The following AKNAD1 variants were observed in gnomAD, a reference collection of about 807,000 sequenced individuals.
AKNAD1 encodes the protein AKNA domain containing 1, also known as protein AKNAD1.
AKNAD1 carries 67 observed loss-of-function variants against 90.8 expected under a neutral mutation model. The ratio of observed to expected loss-of-function variants is 0.74; its 90% CI spans 0.61 to 0.90. The LOEUF (loss-of-function observed/expected upper bound fraction) is 0.90, where lower values mean the gene tolerates loss of function less well. Ranked by LOEUF, AKNAD1 falls within the 40% of genes least tolerant of loss-of-function variation. The pLI, the probability that AKNAD1 is intolerant of heterozygous loss-of-function variation, is 0.00. For missense variants in AKNAD1, 957 were observed against 975.4 expected (o/e 0.98, Z 0.25); for synonymous variants, 327 against 341.4 (o/e 0.96, Z 0.46).
At chr1:108,838,128 A>G (rs571586061) in intron 6 of AKNAD1, among the ~76,000 whole-genome samples, 1 of 152,344 alleles carries the variant, frequency 6.6e-6, no homozygotes, top group East Asian at 1.9e-4. Context: ...TCTAATCCAT[A>G]TGAATATATG....
intron 5 of AKNAD1, among the ~76,000 whole-genome samples, chr1:108,846,776 C>A (rs1664713187): frequency 6.6e-6 from 1 of 152,074 alleles, no homozygotes; most frequent in South Asian, 2.1e-4. Flanking sequence ...AGGCCAGATC[C>A]ACTGGTCTAA....
intron 7 of AKNAD1, among the ~76,000 whole-genome samples, chr1:108,835,538 C>T (rs1447505062): frequency 1.3e-5 from 2 of 152,124 alleles, no homozygotes; most frequent in African/African-American, 4.8e-5. Context: ...AGTATGTGAA[C>T]CCAGGTAGTC....
intron 5 of AKNAD1, among the ~76,000 whole-genome samples, chr1:108,847,425 G>A (rs1664732341): frequency 6.7e-6 from 1 of 149,826 alleles, no homozygotes; most frequent in Non-Finnish European, 1.5e-5. Flanking sequence ...TCTAGCATGA[G>A]TGACAGAATG....
At chr1:108,843,344 G>A (rs535878288) in intron 5 of AKNAD1, 77 bp from the exon 6 acceptor site, 13 of 1,565,316 alleles carry the variant, frequency 8.3e-6, no homozygotes, top group Middle Eastern at 2.3e-4. Context: ...CACAAAGCAG[G>A]TGTACCCTAC....
Position 108,817,193 on chromosome 1 carries a change from A to G in AKNAD1, c.2250-16T>C. The stretch of plus-strand genomic sequence containing the variant: ...AAGTTTTTTTCTGGAAGACAAAAGC[A>G]CATTGATACTTGTGTCAAGCGCCAC... On this transcript the variant is annotated splice_polypyrimidine_tract_variant and intron_variant, in intron 14 of 15. Transcript: ENST00000370001. The G allele has an allele frequency of 6.2e-7, 1 of 1,613,760 alleles. No homozygotes were observed.
intron 14 of AKNAD1, among the ~76,000 whole-genome samples, chr1:108,818,729 G>A (rs528979980): frequency 1.3e-5 from 2 of 152,162 alleles, no homozygotes; most frequent in East Asian, 3.9e-4. Context: ...TTGGGAGGCC[G>A]AGGTGGGTGA....
intron 5 of AKNAD1, among the ~76,000 whole-genome samples, chr1:108,844,462 A>G (rs7512206): frequency 0.18 from 26,829 of 152,008 alleles, 2,630 homozygotes; most frequent in Admixed American, 0.23. Context: ...AGATAGAGAG[A>G]GAGAGACCTT....
Position 108,851,868 on chromosome 1 carries a change from G to C in AKNAD1, c.797C>G (p.Pro266Arg). ...CTTATTTTTAGGAATTTTCACTTTGGGAGCAATCTTAGAGAAATCAGGGAG... is the reference window on the plus strand; with the variant it reads ...CTTATTTTTAGGAATTTTCACTTTGCGAGCAATCTTAGAGAAATCAGGGAG... ...YQLPDFSKIA[P>R]KVKIPKNKII... is the part of the protein sequence containing the mutation. Residue 266 changes from proline (P) to arginine (R), a missense_variant, in exon 2 of 16, where the codon CCC becomes CGC. Transcript: ENST00000370001. 1 of 1,613,616 alleles carries C rather than the reference G, an allele frequency of 6.2e-7. No individual in the cohort carries two copies. Among genetic ancestry groups the C allele is most frequent in the East Asian group, 2.2e-5 (1 of 44,880 alleles).
In AKNAD1 at chr1:108,817,109, C is replaced by T. The variant is rs768664263; in HGVS notation, c.2318G>A (p.Cys773Tyr). Residue 773 changes from cysteine (C) to tyrosine (Y), a missense_variant, in exon 15 of 16, where the codon TGC (cysteine) becomes TAC (tyrosine). Coordinates refer to ENST00000370001, the MANE Select transcript of AKNAD1 (RefSeq NM_152763.5). Reference sequence around the variant, plus strand: ...TAAGGATTTGCTTCCAGAAATCCTGCAGGAGTAGAAATGGGGTGAGGGTGT... The same window carrying T: ...TAAGGATTTGCTTCCAGAAATCCTGTAGGAGTAGAAATGGGGTGAGGGTGT... ...PATPSPHFYS[C>Y]RISGSKSLCD... 5 of 1,614,120 alleles carry T rather than the reference C, an allele frequency of 3.1e-6. No individual in the cohort carries two copies. The South Asian group carries it at 5.5e-5, about 18-fold the overall frequency.
intron 5 of AKNAD1, among the ~76,000 whole-genome samples, chr1:108,847,161 A>G (rs1334503464): frequency 1.3e-5 from 2 of 152,038 alleles, no homozygotes; most frequent in African/African-American, 4.8e-5. Flanking sequence ...AAAACCTTCA[A>G]TGCAGCCAGG....
At chr1:108,838,350 A>G (rs1664444517) in intron 6 of AKNAD1, among the ~76,000 whole-genome samples, 1 of 149,788 alleles carries the variant, frequency 6.7e-6, no homozygotes, top group South Asian at 2.2e-4. Context: ...CTGTTTAATT[A>G]GAAATTTTAA....
chr1:108,826,248 T>C (rs1261585782), intron 11 of AKNAD1, among the ~76,000 whole-genome samples: 1 of 151,710 alleles, frequency 6.6e-6, no homozygotes, highest in Non-Finnish European at 1.5e-5. Context: ...CCACAGGCAG[T>C]GCAGATGTAA....
intron 6 of AKNAD1, among the ~76,000 whole-genome samples, chr1:108,842,874 T>C (rs541644107): frequency 3.5e-4 from 53 of 152,318 alleles, no homozygotes; most frequent in African/African-American, 1.1e-3. Context: ...TGCAAAATTT[T>C]GGTACAATGC....
intron 5 of AKNAD1, among the ~76,000 whole-genome samples, chr1:108,846,401 G>A (rs1664702046): frequency 6.6e-6 from 1 of 152,120 alleles, no homozygotes; most frequent in Non-Finnish European, 1.5e-5. Flanking sequence ...TTAAAATTCT[G>A]TGTTCTTCCA....
At chr1:108,832,172 G>A (rs866768007) in intron 9 of AKNAD1, among the ~76,000 whole-genome samples, 1 of 151,158 alleles carries the variant, frequency 6.6e-6, no homozygotes, top group African/African-American at 2.4e-5. Context: ...GGGAAAGCTG[G>A]GATTTTAACT....
At chr1:108,841,200 T>A (rs1664541481) in intron 6 of AKNAD1, among the ~76,000 whole-genome samples, 1 of 151,182 alleles carries the variant, frequency 6.6e-6, no homozygotes, top group African/African-American at 2.4e-5. Context: ...ATAATAAAAA[T>A]AATAATAATA....
rs778620625 is a variant in AKNAD1 at position 108,848,815 on chromosome 1, C to T, written c.1183-1G>A. ...TTATTCTTTTGGAAAATTCTTGTAC[C>T]TGCAGTGAAAAAATTACAATCTCTC... is the stretch of plus-strand genomic sequence containing the variant. On this transcript the variant is annotated splice_acceptor_variant, in intron 4 of 15. Transcript: ENST00000370001. LOFTEE classifies it high-confidence loss of function. 4 of 1,609,936 alleles carry T rather than the reference C, an allele frequency of 2.5e-6. No individual in the cohort carries two copies.
intron 6 of AKNAD1, among the ~76,000 whole-genome samples, chr1:108,842,676 G>C (rs980686602): frequency 6.6e-6 from 1 of 152,140 alleles, no homozygotes; most frequent in Non-Finnish European, 1.5e-5. Flanking sequence ...GAGAGGGACA[G>C]AAGAGAGAAC....
chr1:108,832,510 C>G (rs1273738525), intron 9 of AKNAD1, among the ~76,000 whole-genome samples: 1 of 152,198 alleles, frequency 6.6e-6, no homozygotes, highest in Non-Finnish European at 1.5e-5. Flanking sequence ...CAGGCGCGAG[C>G]CACTGCACCC....
Sources: allele counts gnomAD v4.1 joint callset (sites outside exome capture counted in the v4.1 genomes callset), GRCh38; gene constraint gnomAD v4.1.1; transcripts MANE v1.5; gene names NCBI Gene and HGNC (gene_info 2026-07-23, HGNC 2026-07-21).